Variants in XPO4 observed in about 807,000 individuals in gnomAD.
The protein encoded by XPO4 is exportin-4.
XPO4 carries 39 observed loss-of-function variants against 143.0 expected under a neutral mutation model. The observed-to-expected ratio is 0.27, with a 90% CI of 0.21 to 0.36. The LOEUF is 0.36. Among genes scored for constraint, XPO4 ranks in the 10% least tolerant of loss-of-function variants. The probability of loss-of-function intolerance (pLI) is 1.00; values close to 1 mark genes in which losing one functional copy is unlikely to be tolerated. For missense variants in XPO4, 907 were observed against 1,348.0 expected (o/e 0.67, Z 5.12); for synonymous variants, 439 against 474.0 (o/e 0.93, Z 0.96).
chr13:20,855,818 T>C (rs2060137855), intron 3 of XPO4, 53 bp from the exon 4 acceptor site: 2 of 1,514,030 alleles, frequency 1.3e-6, no homozygotes, highest in Non-Finnish European at 1.8e-6. Context: ...AATACAAGAA[T>C]ACTCCCAAAC....
rs569983550 is a variant in XPO4, at chr13:20,898,257, A to G, written c.69+4413T>C. ...AGTTGGATTTACACTCACTAAATCC[A>G]TCCTGGTTTAAAAACAAATGTATGG... is the stretch of plus-strand genomic sequence containing the variant. On this transcript the variant is annotated intron_variant, in intron 1 of 22. Coordinates refer to ENST00000255305, the MANE Select transcript of XPO4 (RefSeq NM_022459.5). Among the ~76,000 whole-genome samples, 492 of 152,318 alleles carry G rather than the reference A, an allele frequency of 3.2e-3. 1 individual carries two copies. Among genetic ancestry groups the G allele is most frequent in the Middle Eastern group, 0.01 (3 of 294 alleles).
At chr13:20,873,126 G>GA in intron 1 of XPO4, among the ~76,000 whole-genome samples, 1 of 150,510 alleles carries the variant, frequency 6.6e-6, no homozygotes, top group East Asian at 1.9e-4. Flanking sequence ...ACAAGGATGG[G>GA]AAAAAACTGA....
Position 20,800,884 on chromosome 13 carries a change from A to G in XPO4, c.1924T>C (p.Leu642=), listed in dbSNP as rs754369782. The change falls in exon 14 of 23, where the codon TTA becomes CTA. Residue 642 remains leucine, a synonymous_variant. Coordinates refer to ENST00000255305, the MANE Select transcript of XPO4 (RefSeq NM_022459.5). ...PQMGKDIVWF[L]KRWAKTYLLV... ...AGATAAGTCTTTGCCCAGCGTTTTA[A>G]AAACCAAACAATATCTTTGCCCATC... 7 of 1,613,928 alleles carry G rather than the reference A, an allele frequency of 4.3e-6. No individual in the cohort carries two copies. The East Asian group carries it at 1.6e-4, about 36-fold the overall frequency.
chr13:20,896,722 G>A (rs868321127), intron 1 of XPO4, among the ~76,000 whole-genome samples: 1 of 151,662 alleles, frequency 6.6e-6, no homozygotes, highest in Non-Finnish European at 1.5e-5. Flanking sequence ...CCCATTTTTT[G>A]TATTACTGTA....
At chr13:20,889,758 G>T (rs570174781) in intron 1 of XPO4, among the ~76,000 whole-genome samples, 1 of 152,098 alleles carries the variant, frequency 6.6e-6, no homozygotes, top group Non-Finnish European at 1.5e-5. Context: ...TTGCTGAAAC[G>T]ACATGTGATA....
At position 20,800,162 on chromosome 13, in the gene XPO4, C is replaced by T; in HGVS notation, c.2141G>A (p.Arg714Lys). 1 of 1,614,094 alleles carries T rather than the reference C, an allele frequency of 6.2e-7. No individual in the cohort carries two copies. Among genetic ancestry groups the T allele is most frequent in the Non-Finnish European group, 8.5e-7 (1 of 1,179,976 alleles). ...VQLLVTLVER[R>K]ERANLVIQCE... The stretch of plus-strand genomic sequence containing the variant: ...CCTCCAACAATGGGCTAACCTTTCT[C>T]TTCTTTCCACCAAAGTGACAAGGAG... The change falls in exon 15 of 23, where the codon AGA becomes AAA. Residue 714 changes from arginine (R) to lysine (K), a missense_variant. Arg to Lys is a conservative substitution (Grantham distance 26, BLOSUM62 2). Coordinates refer to ENST00000255305, the MANE Select transcript of XPO4 (RefSeq NM_022459.5).
intron 6 of XPO4, among the ~76,000 whole-genome samples, chr13:20,835,495 A>G (rs1257197026): frequency 1.3e-5 from 2 of 152,148 alleles, no homozygotes; most frequent in African/African-American, 4.8e-5. Flanking sequence ...GCCTACCTCA[A>G]CCACGCCCTG....
At chr13:20,838,333 G>C (rs1409156840) in intron 6 of XPO4, among the ~76,000 whole-genome samples, 3 of 151,896 alleles carry the variant, frequency 2.0e-5, no homozygotes, top group Non-Finnish European at 4.4e-5. Flanking sequence ...TTTGGGGCTG[G>C]GCGCAGTGGC....
At chr13:20,813,940 A>G (rs1054946995) in intron 9 of XPO4, among the ~76,000 whole-genome samples, 16 of 151,416 alleles carry the variant, frequency 1.1e-4, no homozygotes, top group Non-Finnish European at 1.6e-4. Flanking sequence ...CTTGGGTGAC[A>G]GAGCAAGACG....
chr13:20,851,737 A>C (rs1265578347), intron 4 of XPO4: 6 of 974,600 alleles, frequency 6.2e-6, no homozygotes, highest in Non-Finnish European at 7.3e-6. Flanking sequence ...AAAAGAAAGA[A>C]AGAAAGAAAG....
intron 1 of XPO4, among the ~76,000 whole-genome samples, chr13:20,880,049 G>A (rs140244539): frequency 2.4e-4 from 36 of 152,298 alleles, no homozygotes; most frequent in African/African-American, 8.2e-4. Context: ...AGACATATTA[G>A]AAAATAACAA....
intron 18 of XPO4, among the ~76,000 whole-genome samples, chr13:20,794,896 C>T (rs1465962085): frequency 6.8e-6 from 1 of 147,876 alleles, no homozygotes; most frequent in Non-Finnish European, 1.5e-5. Context: ...GACTATCTCA[C>T]CTTGGTACCC....
intron 9 of XPO4, among the ~76,000 whole-genome samples, chr13:20,817,587 G>A (rs1047850145): frequency 6.6e-6 from 1 of 152,056 alleles, no homozygotes; most frequent in Admixed American, 6.6e-5. Flanking sequence ...ATGCTATGAA[G>A]GCTGCTCTGT....
chr13:20,818,963 G>A (rs1419957171), intron 9 of XPO4, among the ~76,000 whole-genome samples: 3 of 152,102 alleles, frequency 2.0e-5, no homozygotes, highest in Non-Finnish European at 2.9e-5. Flanking sequence ...TGGGATTACA[G>A]GCGCCCGCCA....
At chr13:20,852,030 G>T in intron 4 of XPO4, 1 of 985,374 alleles carries the variant, frequency 1.0e-6, no homozygotes, top group South Asian at 4.7e-5. Context: ...TCCTGAGAGA[G>T]GCAAGGGACT....
chr13:20,783,336 CTA>C lies in XPO4; in HGVS notation c.*384_*385del. On this transcript the variant is annotated 3_prime_UTR_variant, in exon 23 of 23. Coordinates refer to ENST00000255305, the MANE Select transcript of XPO4 (RefSeq NM_022459.5). Reference sequence around the variant, plus strand: ...CTATGGAGATTTTGAGAAACACTGCCTAGCATATATCCATTTCATATTTAATG... The same window carrying C: ...CTATGGAGATTTTGAGAAACACTGCCGCATATATCCATTTCATATTTAATG... 1 of 230,392 alleles carries C rather than the reference CTA, an allele frequency of 4.3e-6. No individual in the cohort carries two copies. The highest frequency in any genetic ancestry group is 8.6e-6 in the Non-Finnish European group (1 of 116,380). The allele number at this position is 230,392 out of a possible 1,614,324, so 14.3% of individuals were successfully genotyped here. A position where few individuals can be genotyped will look rare whatever the true frequency, so the allele number is the denominator to read the frequency against.
chr13:20,801,065 A>T, intron 13 of XPO4, 75 bp from the exon 14 acceptor site: 2 of 1,554,608 alleles, frequency 1.3e-6, no homozygotes, highest in Non-Finnish European at 1.7e-6. Flanking sequence ...TTTCCTTAAA[A>T]GTCCTTTTTT....
At chr13:20,801,108 T>TGA in intron 13 of XPO4, 118 bp from the exon 14 acceptor site, 1 of 1,109,264 alleles carries the variant, frequency 9.0e-7, no homozygotes, top group Non-Finnish European at 1.3e-6. Context: ...GGTCAGGCTA[T>TGA]ACTTGAACAT....
At chr13:20,877,104 T>C (rs2060360357) in intron 1 of XPO4, among the ~76,000 whole-genome samples, 1 of 152,192 alleles carries the variant, frequency 6.6e-6, no homozygotes, top group Admixed American at 6.5e-5. Flanking sequence ...GATCCCCAAG[T>C]GCCCCCACTC....
Sources: allele counts gnomAD v4.1 joint callset (sites outside exome capture counted in the v4.1 genomes callset), GRCh38; gene constraint gnomAD v4.1.1; transcripts MANE v1.5; gene names NCBI Gene and HGNC (gene_info 2026-07-23, HGNC 2026-07-21).